ITGB1BP1: variants seen among roughly 807,000 people sequenced by gnomAD.
The protein encoded by ITGB1BP1 is integrin beta-1-binding protein 1.
Under a neutral mutation model 28.0 loss-of-function variants are expected in ITGB1BP1, and 20 were observed. That is an observed-to-expected ratio of 0.71 (90% CI 0.50 to 1.04). The LOEUF is 1.04. Among genes scored for constraint, ITGB1BP1 ranks in the 50% least tolerant of loss-of-function variants. The pLI is 0.00. For synonymous variants in ITGB1BP1, 103 were observed against 89.5 expected (o/e 1.15, Z -0.85); for missense variants, 228 against 242.5 (o/e 0.94, Z 0.40).
rs549996145 is a variant in ITGB1BP1 at position 9,406,775 on chromosome 2, T to C, written c.*59A>G. 5.5e-6 allele frequency: 6 copies of C among 1,086,432 alleles called. No individual in the cohort carries two copies. The highest frequency in any genetic ancestry group is 1.5e-5 in the African/African-American group (1 of 64,902). The allele number at this position is 1,086,432 out of a possible 1,614,324, so 67.3% of individuals were successfully genotyped here. A position where few individuals can be genotyped will look rare whatever the true frequency, so the allele number is the denominator to read the frequency against. ...TCATTATTTGCATAACATTTCAGCATTGCAGTTTGAAAACAGCTGAACTTT... is the reference window on the plus strand; with the variant it reads ...TCATTATTTGCATAACATTTCAGCACTGCAGTTTGAAAACAGCTGAACTTT... On this transcript the variant is annotated 3_prime_UTR_variant, in exon 7 of 7. Transcript: ENST00000355346.
chr2:9,406,464 GCCTTC>G lies in ITGB1BP1; in HGVS notation c.*365_*369del, dbSNP rs1677375416. The G allele has an allele frequency of 1.6e-5, 1 of 64,092 alleles. No homozygotes were observed. Among genetic ancestry groups the G allele is most frequent in the Non-Finnish European group, 2.9e-5 (1 of 34,252 alleles). The allele number at this position is 64,092 out of a possible 1,614,324, so 4.0% of individuals were successfully genotyped here. A position where few individuals can be genotyped will look rare whatever the true frequency, so the allele number is the denominator to read the frequency against. On this transcript the variant is annotated 3_prime_UTR_variant, in exon 7 of 7. Transcript: ENST00000355346. ...CTCTGTGACATCTAGTCTTCCTCAG[GCCTTC>G]AGTGTGTGTTTGTCACTGAGTGGAC...
chr2:9,419,949 A>G, intron 1 of ITGB1BP1: 1 of 563,834 alleles, frequency 1.8e-6, no homozygotes, highest in Non-Finnish European at 2.2e-6. Flanking sequence ...ATTTTTTACC[A>G]AAAACTGTAT....
intron 1 of ITGB1BP1, among the ~76,000 whole-genome samples, chr2:9,421,376 T>C (rs62118846): frequency 0.19 from 28,414 of 152,118 alleles, 2,842 homozygotes; most frequent in Middle Eastern, 0.3. Flanking sequence ...TTTTGATGCA[T>C]GTTCTCAAGC....
At chr2:9,422,448 T>C (rs1680009396) in intron 1 of ITGB1BP1, 2 of 985,466 alleles carry the variant, frequency 2.0e-6, no homozygotes, top group Non-Finnish European at 2.4e-6. Flanking sequence ...CGGGACGTCC[T>C]TCACCTGTCA....
intron 2 of ITGB1BP1, among the ~76,000 whole-genome samples, chr2:9,416,980 T>G (rs1413348187): frequency 1.3e-5 from 2 of 152,112 alleles, no homozygotes; most frequent in African/African-American, 2.4e-5. Flanking sequence ...TCAAACTCTC[T>G]GCAGAACCTG....
intron 4 of ITGB1BP1, among the ~76,000 whole-genome samples, chr2:9,410,393 A>G (rs930453404): frequency 6.6e-6 from 1 of 151,616 alleles, no homozygotes; most frequent in Non-Finnish European, 1.5e-5. Context: ...CACCACACTC[A>G]GCTGATTTTT....
Position 9,404,493 on chromosome 2 carries a change from A to G in ITGB1BP1, c.*2341T>C, listed in dbSNP as rs1480133478. 3.3e-5 allele frequency: 5 copies of G among 152,268 alleles called. No individual in the cohort carries two copies. Among genetic ancestry groups the G allele is most frequent in the African/African-American group, 1.2e-4 (5 of 41,452 alleles). 9.4% of individuals were successfully genotyped at this position (152,268 alleles called of 1,614,324 possible). A position where few individuals can be genotyped will look rare whatever the true frequency, so the allele number is the denominator to read the frequency against. ...TTATAAAACCAAAACTCATTCGTTT[A>G]ATGAACTTGACTGTCATACCTCTAT... On this transcript the variant is annotated 3_prime_UTR_variant, in exon 7 of 7. Transcript: ENST00000355346.
chr2:9,422,490 C>T, intron 1 of ITGB1BP1: 2 of 985,586 alleles, frequency 2.0e-6, no homozygotes, highest in South Asian at 9.4e-5. Context: ...TTTCAAGGCC[C>T]GTTTCAGGCT....
At chr2:9,408,294 C>T in intron 4 of ITGB1BP1, 89 bp from the exon 5 acceptor site, 1 of 784,218 alleles carries the variant, frequency 1.3e-6, no homozygotes. Flanking sequence ...CTGGCCATCG[C>T]AAGCCCAAAC....
intron 1 of ITGB1BP1, among the ~76,000 whole-genome samples, chr2:9,421,127 A>G (rs1679789909): frequency 6.6e-6 from 1 of 152,194 alleles, no homozygotes; most frequent in South Asian, 2.1e-4. Flanking sequence ...GTATATATAA[A>G]TACATATTTA....
At position 9,407,452 on chromosome 2, in the gene ITGB1BP1, G is replaced by A; in HGVS notation, c.528C>T (p.Ser176=). The A allele has an allele frequency of 6.2e-7, 1 of 1,614,146 alleles. No homozygotes were observed. Among genetic ancestry groups the A allele is most frequent in the South Asian group, 1.1e-5 (1 of 91,070 alleles). Residue 176 remains serine, a synonymous_variant, in exon 6 of 7, where the codon AGC becomes AGT. Coordinates refer to ENST00000355346, the MANE Select transcript of ITGB1BP1 (RefSeq NM_004763.5). ...AACCAAAGTAACGAAGTCTCACCAG[G>A]CTGTTGCACTGATAAACCCACAGGC... ...EYSLWVYQCN[S]LEQAQAICKV...
chr2:9,418,369 G>A (rs752925639), intron 2 of ITGB1BP1, among the ~76,000 whole-genome samples: 11 of 152,146 alleles, frequency 7.2e-5, no homozygotes, highest in Admixed American at 2.6e-4. Flanking sequence ...TTAAATCAGT[G>A]CTTATTTCAA....
chr2:9,417,927 T>C (rs1310630389), intron 2 of ITGB1BP1, among the ~76,000 whole-genome samples: 1 of 152,232 alleles, frequency 6.6e-6, no homozygotes, highest in Non-Finnish European at 1.5e-5. Context: ...CTCTATTTTA[T>C]GCCCCTTAAA....
rs1164860709 is a variant in ITGB1BP1 at position 9,405,247 on chromosome 2, CCTTT to C, written c.*1583_*1586del. 5.9e-5 allele frequency: 9 copies of C among 152,324 alleles called. No individual in the cohort carries two copies. Among genetic ancestry groups the C allele is most frequent in the African/African-American group, 1.9e-4 (8 of 41,568 alleles). The allele number at this position is 152,324 out of a possible 1,614,324, so 9.4% of individuals were successfully genotyped here. On this transcript the variant is annotated 3_prime_UTR_variant, in exon 7 of 7. Coordinates refer to ENST00000355346, the MANE Select transcript of ITGB1BP1 (RefSeq NM_004763.5). The stretch of plus-strand genomic sequence containing the variant: ...ATTATATTAACGACCCTGCTAATAT[CCTTT>C]CTTAGTTATTTGCTCCTTGCAAATT...
chr2:9,410,628 C>A (rs1175572041), intron 4 of ITGB1BP1, among the ~76,000 whole-genome samples: 1 of 152,160 alleles, frequency 6.6e-6, no homozygotes, highest in Non-Finnish European at 1.5e-5. Flanking sequence ...TTAGTAGAGA[C>A]AGGGTTTTGC....
chr2:9,414,272 A>C lies in ITGB1BP1; in HGVS notation c.73-16T>G, dbSNP rs749376398. ...AATCCACAGACTGAGAAACAGAAAAACAAGTAAAAAACCTCCACTGAAGCA... is the reference window on the plus strand; with the variant it reads ...AATCCACAGACTGAGAAACAGAAAACCAAGTAAAAAACCTCCACTGAAGCA... On this transcript the variant is annotated splice_polypyrimidine_tract_variant and intron_variant, in intron 2 of 6. Coordinates refer to ENST00000355346, the MANE Select transcript of ITGB1BP1 (RefSeq NM_004763.5). 1.2e-6 allele frequency: 2 copies of C among 1,608,764 alleles called. No individual in the cohort carries two copies. Among genetic ancestry groups the C allele is most frequent in the Non-Finnish European group, 1.7e-6 (2 of 1,175,250 alleles).
intron 6 of ITGB1BP1, 93 bp downstream of exon 6, chr2:9,407,356 T>C: frequency 7.3e-7 from 1 of 1,364,512 alleles, no homozygotes; most frequent in Non-Finnish European, 1.0e-6. Context: ...ATTCCATATA[T>C]AATGGATTGT....
At chr2:9,416,872 C>T (rs936396382) in intron 2 of ITGB1BP1, among the ~76,000 whole-genome samples, 5 of 152,162 alleles carry the variant, frequency 3.3e-5, no homozygotes, top group African/African-American at 9.7e-5. Flanking sequence ...CTGCCTCCCA[C>T]AGCACCTGGT....
In ITGB1BP1 at chr2:9,412,310, C is replaced by T. The variant is rs755295860; in HGVS notation, c.247G>A (p.Glu83Lys). Residue 83 changes from glutamate to lysine, a missense_variant, in exon 4 of 7, where the codon GAA becomes AAA. Glu to Lys is a moderately conservative substitution (Grantham distance 56, BLOSUM62 1). Around this residue, in one of 2 missense-constraint regions of ITGB1BP1, gnomAD observed 192 missense variants for 181.6 expected, o/e 1.06. Coordinates refer to ENST00000355346, the MANE Select transcript of ITGB1BP1 (RefSeq NM_004763.5). Reference sequence around the variant, plus strand: ...TAATTTATCAGGTCTAATGGCCCTTCAAGGCCTTTTCCCTCGGAGAGTTTC... The same window carrying T: ...TAATTTATCAGGTCTAATGGCCCTTTAAGGCCTTTTCCCTCGGAGAGTTTC... ...KLKLSEGKGL[E>K]GPLDLINYID... The T allele has an allele frequency of 2.5e-6, 4 of 1,612,194 alleles. No homozygotes were observed. Among genetic ancestry groups the T allele is most frequent in the Non-Finnish European group, 3.4e-6 (4 of 1,178,878 alleles).
Sources: allele counts gnomAD v4.1 joint callset (sites outside exome capture counted in the v4.1 genomes callset), GRCh38; gene constraint gnomAD v4.1.1; regional missense constraint gnomAD v4.1.1; transcripts MANE v1.5; gene names NCBI Gene and HGNC (gene_info 2026-07-23, HGNC 2026-07-21).